Variants in MGLL observed in about 807,000 individuals in gnomAD.
MGLL encodes the protein monoglyceride lipase.
MGLL carries 7 observed loss-of-function variants against 29.1 expected under a neutral mutation model. The observed-to-expected ratio is 0.24, with a 90% CI of 0.14 to 0.45. The LOEUF (loss-of-function observed/expected upper bound fraction) is 0.45, where lower values mean the gene tolerates loss of function less well. Ranked by LOEUF, MGLL falls within the 20% of genes least tolerant of loss-of-function variation. MGLL has a pLI of 0.99. For synonymous variants in MGLL, 148 were observed against 168.3 expected, an observed-to-expected ratio of 0.88 and a Z score of 0.93; for missense variants, 356 against 413.6, an observed-to-expected ratio of 0.86 and a Z score of 1.21.
chr3:127,704,658 C>A (rs1353235816), intron 6 of MGLL, among the ~76,000 whole-genome samples: 3 of 152,166 alleles, frequency 2.0e-5, no homozygotes, highest in Non-Finnish European at 4.4e-5. Flanking sequence ...CATCACCGAT[C>A]ATCAGAGAAA....
In MGLL at chr3:127,789,621, C is replaced by T. The variant is rs555847230; in HGVS notation, c.156-7726G>A. 3.3e-5 allele frequency among the ~76,000 whole-genome samples: 5 copies of T among 152,084 alleles called. No individual in the cohort carries two copies. In the South Asian group the frequency reaches 1.0e-3, roughly 32 times the overall value. On this transcript the variant is annotated intron_variant, in intron 2 of 7. Transcript: ENST00000265052. ...GCTGAGGTGGGAGGATCACTTGAGC[C>T]CGGGAGGTGGAGGCTACAGTGAGTC... is the stretch of plus-strand genomic sequence containing the variant.
intron 2 of MGLL, among the ~76,000 whole-genome samples, chr3:127,786,360 A>C (rs989012326): frequency 3.3e-5 from 5 of 152,238 alleles, no homozygotes; most frequent in African/African-American, 1.2e-4. Flanking sequence ...TAGCAGAGCC[A>C]TTTATGCAGA....
rs549077779 is a variant in MGLL, at chr3:127,781,991, C to T, written c.156-96G>A. 2,594 of 1,133,358 alleles carry T rather than the reference C, an allele frequency of 2.3e-3. 10 individuals are homozygous for T. Among genetic ancestry groups the T allele is most frequent in the Middle Eastern group, 0.02 (91 of 4,642 alleles). The allele number at this position is 1,133,358 out of a possible 1,614,324, so 70.2% of individuals were successfully genotyped here. ...ATTCCAGCACTTTGGGAGGCCGGGG[C>T]GGGCGGATTGCCTGAGCTCAGGAGT... On this transcript the variant is annotated intron_variant, in intron 2 of 7. Transcript: ENST00000265052.
rs774965066 is a variant in MGLL, at chr3:127,737,630, C to CTTTTT, written c.263-15069_263-15065dup. Reference sequence around the variant, plus strand: ...GACACAGTGAAATCATCAACTGCTTCTTTTTTTTTTTTTTTTTTTTTTTTT... The same window carrying CTTTTT: ...GACACAGTGAAATCATCAACTGCTTCTTTTTTTTTTTTTTTTTTTTTTTTTTTTTT... On this transcript the variant is annotated intron_variant, in intron 3 of 7. Coordinates refer to ENST00000265052, the MANE Select transcript of MGLL (RefSeq NM_007283.7). Among the ~76,000 whole-genome samples the CTTTTT allele has an allele frequency of 8.1e-3, 555 of 68,582 alleles. 64 individuals are homozygous for CTTTTT. The highest frequency in any genetic ancestry group is 0.013 in the African/African-American group (170 of 13,568). The allele number at this position is 68,582 out of a possible 152,430, so 45.0% of individuals were successfully genotyped here. A position where few individuals can be genotyped will look rare whatever the true frequency, so the allele number is the denominator to read the frequency against.
At chr3:127,736,392 G>GA (rs1384081972) in intron 3 of MGLL, 66 of 968,162 alleles carry the variant, frequency 6.8e-5, no homozygotes, top group Non-Finnish European at 8.0e-5. Flanking sequence ...TTGGGTCAGC[G>GA]AAAAAGAGTA....
intron 3 of MGLL, among the ~76,000 whole-genome samples, chr3:127,731,705 C>A (rs972678979): frequency 7.9e-5 from 12 of 152,206 alleles, no homozygotes; most frequent in Admixed American, 7.8e-4. Flanking sequence ...TCGGAAGCCA[C>A]AATAAAAGCC....
rs571357054 is a variant in MGLL at position 127,732,809 on chromosome 3, G to T, written c.263-10243C>A. ...CTGGAAGTAACCACAACAAATGGCAGCCAATGTCCACTGGAGACCTCATGT... is the reference window on the plus strand; with the variant it reads ...CTGGAAGTAACCACAACAAATGGCATCCAATGTCCACTGGAGACCTCATGT... On this transcript the variant is annotated intron_variant, in intron 3 of 7. Coordinates refer to ENST00000265052, the MANE Select transcript of MGLL (RefSeq NM_007283.7). Among the ~76,000 whole-genome samples, 3 of 152,334 alleles carry T rather than the reference G, an allele frequency of 2.0e-5. No homozygotes were observed. The South Asian group carries it at 6.2e-4, about 32-fold the overall frequency.
At chr3:127,743,865 T>C (rs1215775243) in intron 3 of MGLL, among the ~76,000 whole-genome samples, 1 of 152,202 alleles carries the variant, frequency 6.6e-6, no homozygotes. Context: ...CTCTTCTGTT[T>C]GCTGATGGTC....
At chr3:127,813,058 C>A (rs1419979295) in intron 2 of MGLL, among the ~76,000 whole-genome samples, 1 of 152,176 alleles carries the variant, frequency 6.6e-6, no homozygotes, top group Non-Finnish European at 1.5e-5. Context: ...ATCTCTAATC[C>A]AGTAGACTGT....
intron 2 of MGLL, among the ~76,000 whole-genome samples, chr3:127,782,180 C>G (rs1354752879): frequency 6.6e-6 from 1 of 152,052 alleles, no homozygotes; most frequent in Non-Finnish European, 1.5e-5. Context: ...TGAGATGGCG[C>G]CACTGTACTC....
At chr3:127,716,396 GA>G (rs3836351) in intron 5 of MGLL, among the ~76,000 whole-genome samples, 20,357 of 152,252 alleles carry the variant, frequency 0.13, 1,676 homozygotes, top group Non-Finnish European at 0.18. Flanking sequence ...GCCCTAAGGA[GA>G]GGCCCAATAA....
intron 2 of MGLL, among the ~76,000 whole-genome samples, chr3:127,794,124 A>G (rs2077344704): frequency 1.3e-5 from 2 of 152,068 alleles, no homozygotes; most frequent in Non-Finnish European, 2.9e-5. Flanking sequence ...AGGCTGGCCA[A>G]CATGGCGAAA....
chr3:127,726,494 C>A (rs1050546109), intron 3 of MGLL, among the ~76,000 whole-genome samples: 19 of 152,150 alleles, frequency 1.2e-4, no homozygotes, highest in African/African-American at 4.6e-4. Context: ...AGCTGGAGTG[C>A]AGTGGCGCAA....
intron 2 of MGLL, among the ~76,000 whole-genome samples, chr3:127,791,650 GT>G (rs1340887555): frequency 2.8e-4 from 43 of 152,196 alleles, no homozygotes; most frequent in Non-Finnish European, 8.8e-5. Flanking sequence ...AACATGGGCT[GT>G]TTATCTCAGT....
At chr3:127,776,259 C>T (rs2077034795) in intron 3 of MGLL, among the ~76,000 whole-genome samples, 1 of 152,086 alleles carries the variant, frequency 6.6e-6, no homozygotes, top group Non-Finnish European at 1.5e-5. Context: ...GTGTGGCCTC[C>T]TCTGCTCAGT....
chr3:127,730,760 G>A (rs1183812137), intron 3 of MGLL, among the ~76,000 whole-genome samples: 1 of 152,216 alleles, frequency 6.6e-6, no homozygotes, highest in Non-Finnish European at 1.5e-5. Flanking sequence ...TAGATGGAGG[G>A]TCCTGAGAGC....
intron 3 of MGLL, among the ~76,000 whole-genome samples, chr3:127,749,637 G>A (rs895382371): frequency 2.6e-5 from 4 of 152,130 alleles, no homozygotes; most frequent in African/African-American, 9.7e-5. Flanking sequence ...GTGGCCCAGA[G>A]CAGATTCTAG....
intron 3 of MGLL, among the ~76,000 whole-genome samples, chr3:127,769,354 A>C (rs1341322070): frequency 5.8e-5 from 1 of 17,316 alleles, no homozygotes; most frequent in Non-Finnish European, 1.4e-3. Context: ...CTATCTCAAA[A>C]AAAAAGAAAA....
At chr3:127,807,750 CTTTTTTTTTTTT>C (rs35444871) in intron 2 of MGLL, among the ~76,000 whole-genome samples, 25 of 59,470 alleles carry the variant, frequency 4.2e-4, no homozygotes, top group East Asian at 3.6e-3. Context: ...TGTGAAAAGT[CTTTTTTTTTTTT>C]TTTTTTTTTT....
Sources: allele counts gnomAD v4.1 joint callset (sites outside exome capture counted in the v4.1 genomes callset), GRCh38; gene constraint gnomAD v4.1.1; transcripts MANE v1.5; gene names NCBI Gene and HGNC (gene_info 2026-07-23, HGNC 2026-07-21).